EFCAB6: variants seen among roughly 807,000 people sequenced by gnomAD.
The protein encoded by EFCAB6 is EF-hand calcium binding domain 6.
EFCAB6 carries 156 observed loss-of-function variants against 169.8 expected under a neutral mutation model. That is an observed-to-expected ratio of 0.92 (90% CI 0.81 to 1.05). The LOEUF (loss-of-function observed/expected upper bound fraction) is 1.05. Among genes scored for constraint, EFCAB6 ranks in the 50% least tolerant of loss-of-function variants. EFCAB6 has a pLI of 0.00. For missense variants in EFCAB6, 1,800 were observed against 1,829.1 expected (o/e 0.98, Z 0.29); for synonymous variants, 698 against 676.4 (o/e 1.03, Z -0.50).
At chr22:43,571,733 G>A (rs760114568) in intron 26 of EFCAB6, among the ~76,000 whole-genome samples, 7 of 152,116 alleles carry the variant, frequency 4.6e-5, no homozygotes, top group Admixed American at 6.5e-5. Context: ...TCCTGCTCCC[G>A]ATGGCAAATA....
intron 28 of EFCAB6, among the ~76,000 whole-genome samples, chr22:43,538,885 G>T (rs189328878): frequency 4.9e-4 from 74 of 152,180 alleles, no homozygotes; most frequent in African/African-American, 1.8e-3. Flanking sequence ...AGTTCTGGAG[G>T]TCCAAAGTCT....
In EFCAB6 at chr22:43,716,559, T is replaced by C. The variant is rs1318171711; in HGVS notation, c.882+289A>G. 8 of 368,434 alleles carry C rather than the reference T, an allele frequency of 2.2e-5. No homozygotes were observed. In the East Asian group the frequency reaches 3.1e-4, roughly 14 times the overall value. The allele number at this position is 368,434 out of a possible 1,614,324, so 22.8% of individuals were successfully genotyped here. A position where few individuals can be genotyped will look rare whatever the true frequency, so the allele number is the denominator to read the frequency against. On this transcript the variant is annotated intron_variant, in intron 9 of 31. Coordinates refer to ENST00000262726, the MANE Select transcript of EFCAB6 (RefSeq NM_022785.4). Reference sequence around the variant, plus strand: ...AAGACCTCTTCACTTATTCATGTTTTCCTTTACGTTACTCAATAACGTTGC... The same window carrying C: ...AAGACCTCTTCACTTATTCATGTTTCCCTTTACGTTACTCAATAACGTTGC...
chr22:43,755,757 C>T lies in EFCAB6; in HGVS notation c.507+9G>A, dbSNP rs376657944. On this transcript the variant is annotated intron_variant, in intron 6 of 31. Transcript: ENST00000262726. ...TGGGGGGAAATCATTTCTTTAAAAT[C>T]TCTATTACCTTTTCTCCCACTTGGA... 8 of 1,594,752 alleles carry T rather than the reference C, an allele frequency of 5.0e-6. No homozygotes were observed. The highest frequency in any genetic ancestry group is 1.7e-4 in the Middle Eastern group (1 of 5,978).
At chr22:43,741,517 TTAGCATTCA>T (rs1394161768) in intron 6 of EFCAB6, among the ~76,000 whole-genome samples, 3 of 152,258 alleles carry the variant, frequency 2.0e-5, no homozygotes, top group Admixed American at 6.5e-5. Flanking sequence ...ATTTTTCTTC[TTAGCATTCA>T]TCAACACCTG....
intron 8 of EFCAB6, among the ~76,000 whole-genome samples, chr22:43,721,377 C>T (rs1603277404): frequency 6.6e-6 from 1 of 152,108 alleles, no homozygotes; most frequent in East Asian, 1.9e-4. Context: ...AAAAAGCTAT[C>T]CTAAAATTCA....
intron 4 of EFCAB6, among the ~76,000 whole-genome samples, chr22:43,770,936 AAAGAG>A (rs996109914): frequency 9.9e-5 from 15 of 151,984 alleles, no homozygotes; most frequent in Non-Finnish European, 1.3e-4. Flanking sequence ...CAGAAAAAAA[AAAGAG>A]AGAGAGAGAG....
chr22:43,809,573 C>T (rs1412009921), intron 1 of EFCAB6, among the ~76,000 whole-genome samples: 2 of 152,100 alleles, frequency 1.3e-5, no homozygotes, highest in African/African-American at 4.8e-5. Flanking sequence ...CTCTCTGTGT[C>T]CCTGTTGCCT....
intron 28 of EFCAB6, among the ~76,000 whole-genome samples, chr22:43,539,401 A>G (rs1353114708): frequency 6.6e-6 from 1 of 152,248 alleles, no homozygotes; most frequent in African/African-American, 2.4e-5. Flanking sequence ...ATTCTCAGCT[A>G]TAGAAAATAC....
intron 21 of EFCAB6, among the ~76,000 whole-genome samples, chr22:43,609,489 C>CA (rs2053158999): frequency 6.6e-6 from 1 of 151,934 alleles, no homozygotes; most frequent in Non-Finnish European, 1.5e-5. Flanking sequence ...TGTCAACAGG[C>CA]AAAATCAATC....
chr22:43,549,083 T>C (rs940402670), intron 27 of EFCAB6, among the ~76,000 whole-genome samples: 6 of 152,216 alleles, frequency 3.9e-5, no homozygotes, highest in African/African-American at 1.2e-4. Context: ...AATTATAATT[T>C]TAAAACTACA....
intron 22 of EFCAB6, among the ~76,000 whole-genome samples, chr22:43,608,057 T>C (rs1241650108): frequency 6.6e-6 from 1 of 152,248 alleles, no homozygotes; most frequent in African/African-American, 2.4e-5. Flanking sequence ...AAAACAGTTG[T>C]GCAGCATTAA....
intron 9 of EFCAB6, 28 bp downstream of exon 9, chr22:43,716,820 G>T (rs1240762711): frequency 2.5e-6 from 4 of 1,590,396 alleles, no homozygotes; most frequent in Non-Finnish European, 3.4e-6. Context: ...TACTCTGTAG[G>T]TAATTGTGGC....
In EFCAB6 at chr22:43,610,058, A is replaced by G. The variant is rs540323597; in HGVS notation, c.2563-1458T>C. 3.2e-4 allele frequency among the ~76,000 whole-genome samples: 48 copies of G among 152,372 alleles called. 1 individual carries two copies. The South Asian group carries it at 4.6e-3, about 14-fold the overall frequency. On this transcript the variant is annotated intron_variant, in intron 21 of 31. Coordinates refer to ENST00000262726, the MANE Select transcript of EFCAB6 (RefSeq NM_022785.4). Reference sequence around the variant, plus strand: ...ATCTAGTCCAGATTTCAAGACCTGAATGTGAAAGTTGAAACTGTCAAGCTC... The same window carrying G: ...ATCTAGTCCAGATTTCAAGACCTGAGTGTGAAAGTTGAAACTGTCAAGCTC...
chr22:43,598,310 G>GAAAAA lies in EFCAB6; in HGVS notation c.2876+1758_2876+1759insTTTTT, dbSNP rs1402967848. On this transcript the variant is annotated intron_variant, in intron 23 of 31. Coordinates refer to ENST00000262726, the MANE Select transcript of EFCAB6 (RefSeq NM_022785.4). Reference sequence around the variant, plus strand: ...TGATGAAAGTGAGACACTGTCTCCGGGAAAAAAAAAAAAAAAAAAAAAAAA... The same window carrying GAAAAA: ...TGATGAAAGTGAGACACTGTCTCCGGAAAAAGAAAAAAAAAAAAAAAAAAAAAAAA... Among the ~76,000 whole-genome samples, 300 of 57,654 alleles carry GAAAAA rather than the reference G, an allele frequency of 5.2e-3. 17 individuals are homozygous for GAAAAA. The highest frequency in any genetic ancestry group is 0.013 in the African/African-American group (250 of 18,682). 37.8% of individuals were successfully genotyped at this position (57,654 alleles called of 152,430 possible).
At chr22:43,811,734 G>A (rs1442782446) in intron 1 of EFCAB6, among the ~76,000 whole-genome samples, 1 of 152,134 alleles carries the variant, frequency 6.6e-6, no homozygotes, top group Non-Finnish European at 1.5e-5. Flanking sequence ...TCAAGTCCTC[G>A]TCTGTCTACA....
At chr22:43,665,561 T>C (rs1297322687) in intron 17 of EFCAB6, among the ~76,000 whole-genome samples, 1 of 152,186 alleles carries the variant, frequency 6.6e-6, no homozygotes, top group Admixed American at 6.5e-5. Context: ...CCGTGCCACG[T>C]AGCTCAGGGT....
intron 6 of EFCAB6, among the ~76,000 whole-genome samples, chr22:43,749,662 T>C (rs1479351908): frequency 1.3e-5 from 2 of 151,984 alleles, no homozygotes; most frequent in African/African-American, 4.8e-5. Context: ...ACCGCTCACC[T>C]CCTGCTGTGC....
rs892297580 is a variant in EFCAB6 at position 43,744,669 on chromosome 22, A to C, written c.508-8676T>G. On this transcript the variant is annotated intron_variant, in intron 6 of 31. Transcript: ENST00000262726. The surrounding 1 kb of genome is among the most constrained non-coding windows in gnomAD (Gnocchi z 4.3). ...GCTAAGTCAGGGCTGATCTTCCTCAACAGGAAACCATGAAGTTCAGAGGCC... is the reference window on the plus strand; with the variant it reads ...GCTAAGTCAGGGCTGATCTTCCTCACCAGGAAACCATGAAGTTCAGAGGCC... Among the ~76,000 whole-genome samples the C allele has an allele frequency of 6.6e-6, 1 of 152,096 alleles. No homozygotes were observed. Among genetic ancestry groups the C allele is most frequent in the Non-Finnish European group, 1.5e-5 (1 of 68,008 alleles).
intron 18 of EFCAB6, among the ~76,000 whole-genome samples, chr22:43,632,627 T>A (rs2055063459): frequency 6.6e-6 from 1 of 152,172 alleles, no homozygotes; most frequent in African/African-American, 2.4e-5. Context: ...CATCAACACT[T>A]TATCTCTGCC....
Sources: gnomAD v4.1 joint callset for allele counts (sites outside exome capture counted in the v4.1 genomes callset) on GRCh38, gnomAD v4.1.1 for gene constraint, Gnocchi (gnomAD v3.1) non-coding constraint, MANE v1.5 for transcripts, NCBI Gene and HGNC (gene_info 2026-07-23, HGNC 2026-07-21) for gene names.